Variants in PAPPA2 observed in about 807,000 individuals in gnomAD.
The protein encoded by PAPPA2 is pappalysin 2.
Under a neutral mutation model 176.4 loss-of-function variants are expected in PAPPA2, and 86 were observed. The observed-to-expected ratio is 0.49, with a 90% CI of 0.41 to 0.58. PAPPA2 has a LOEUF of 0.58. Ranked by LOEUF, PAPPA2 falls within the 20% of genes least tolerant of loss-of-function variation. The pLI is 0.00. For synonymous variants in PAPPA2, 809 were observed against 852.2 expected, an observed-to-expected ratio of 0.95 and a Z score of 0.88; for missense variants, 2,073 against 2,256.9, an observed-to-expected ratio of 0.92 and a Z score of 1.65.
rs760482041 is a variant in PAPPA2, at chr1:176,671,145, G to GA, written c.2137+37dup. 2.5e-6 allele frequency: 4 copies of GA among 1,600,814 alleles called. No homozygotes were observed. The Admixed American group carries it at 5.3e-5, about 21-fold the overall frequency. On this transcript the variant is annotated intron_variant, in intron 4 of 22. Coordinates refer to ENST00000367662, the MANE Select transcript of PAPPA2 (RefSeq NM_020318.3). ...GTGAAATGAAGACCAAACATAGTAG[G>GA]AAAAAAACAAAGAAGGCTGAAGGAA...
At chr1:176,604,361 C>T (rs771719568) in intron 3 of PAPPA2, among the ~76,000 whole-genome samples, 3 of 152,050 alleles carry the variant, frequency 2.0e-5, no homozygotes, top group Non-Finnish European at 4.4e-5. Context: ...TACGTTTGGG[C>T]GACTCTCATA....
At chr1:176,539,440 A>G (rs1018771699) in intron 1 of PAPPA2, among the ~76,000 whole-genome samples, 16 of 152,290 alleles carry the variant, frequency 1.1e-4, no homozygotes, top group South Asian at 1.0e-3. Flanking sequence ...TTAGTTCTAC[A>G]AACATTTACT....
At chr1:176,638,259 A>G (rs1246570101) in intron 3 of PAPPA2, among the ~76,000 whole-genome samples, 2 of 152,080 alleles carry the variant, frequency 1.3e-5, no homozygotes, top group Non-Finnish European at 2.9e-5. Context: ...CCCATTAAAG[A>G]TAAGTATGAA....
chr1:176,610,905 A>G (rs552906532), intron 3 of PAPPA2, among the ~76,000 whole-genome samples: 168 of 152,322 alleles, frequency 1.1e-3, no homozygotes, highest in African/African-American at 3.8e-3. Flanking sequence ...AGACACTAGG[A>G]GTATGACTCT....
intron 2 of PAPPA2, among the ~76,000 whole-genome samples, chr1:176,574,740 G>C (rs1652550865): frequency 6.6e-6 from 1 of 152,172 alleles, no homozygotes; most frequent in African/African-American, 2.4e-5. Flanking sequence ...GGGATGCTTT[G>C]CATAATGATG....
chr1:176,662,802 A>G (rs188027098), intron 3 of PAPPA2, among the ~76,000 whole-genome samples: 1 of 152,232 alleles, frequency 6.6e-6, no homozygotes, highest in African/African-American at 2.4e-5. Context: ...TAGGCATGAA[A>G]TTGTTTCCTT....
At chr1:176,718,541 A>G (rs1015955117) in intron 12 of PAPPA2, among the ~76,000 whole-genome samples, 3 of 151,986 alleles carry the variant, frequency 2.0e-5, no homozygotes, top group African/African-American at 4.8e-5. Context: ...TTCCTTTTAA[A>G]CATGACTTTA....
chr1:176,802,785 T>C (rs1395866336), intron 21 of PAPPA2, among the ~76,000 whole-genome samples: 1 of 152,236 alleles, frequency 6.6e-6, no homozygotes, highest in East Asian at 1.9e-4. Context: ...TTGCCCTTCA[T>C]GTTACTTCAG....
rs1661159588 is a variant in PAPPA2 at position 176,711,841 on chromosome 1, A to T, written c.3658A>T (p.Thr1220Ser). ...GGTTGAAATTGTATTTCAGATTTGC[A>T]CATCATACCATCCAGATTTACCCAA... ...VTGEPHSLIC[T>S]SYHPDLPNHR... The change falls in exon 12 of 23, where the codon ACA (threonine) becomes TCA (serine). Residue 1220 changes from threonine to serine, a missense_variant. This residue lies in a region of PAPPA2 where 846 missense variants were observed against 857.9 expected (regional missense o/e 0.99). Coordinates refer to ENST00000367662, the MANE Select transcript of PAPPA2 (RefSeq NM_020318.3). The T allele has an allele frequency of 6.2e-7, 1 of 1,602,444 alleles. No individual in the cohort carries two copies. The highest frequency in any genetic ancestry group is 1.7e-5 in the Admixed American group (1 of 59,844).
In PAPPA2 at chr1:176,756,255, A is replaced by G. The variant is rs534641445; in HGVS notation, c.4152-9411A>G. On this transcript the variant is annotated intron_variant, in intron 14 of 22. Coordinates refer to ENST00000367662, the MANE Select transcript of PAPPA2 (RefSeq NM_020318.3). ...CAGGCGTGAGCCACTATGCCTGGCC[A>G]TATTTACAGTTTATTAAGTGGAAGT... Among the ~76,000 whole-genome samples the G allele has an allele frequency of 2.1e-4, 32 of 152,154 alleles. 1 individual carries two copies. The highest frequency in any genetic ancestry group is 7.2e-4 in the Admixed American group (11 of 15,268).
chr1:176,551,955 T>A (rs550088682), intron 1 of PAPPA2, among the ~76,000 whole-genome samples: 4 of 151,700 alleles, frequency 2.6e-5, no homozygotes, highest in South Asian at 4.2e-4. Flanking sequence ...GGAAGAGGAG[T>A]TCCCTTAAAG....
chr1:176,500,855 AG>A (rs577125875), intron 1 of PAPPA2, among the ~76,000 whole-genome samples: 49 of 151,846 alleles, frequency 3.2e-4, no homozygotes, highest in African/African-American at 1.2e-3. Flanking sequence ...AGTCATCCGG[AG>A]GCAGCTTATT....
intron 9 of PAPPA2, among the ~76,000 whole-genome samples, chr1:176,704,773 C>T (rs1415207814): frequency 6.6e-6 from 1 of 152,064 alleles, no homozygotes; most frequent in African/African-American, 2.4e-5. Context: ...AAAATACACA[C>T]TAGATTTCAA....
At chr1:176,551,820 TA>T (rs1650968059) in intron 1 of PAPPA2, among the ~76,000 whole-genome samples, 1 of 151,830 alleles carries the variant, frequency 6.6e-6, no homozygotes, top group African/African-American at 2.4e-5. Flanking sequence ...TGGGTTTCTT[TA>T]GGGGGGTGGG....
chr1:176,587,031 T>C (rs1196295465), intron 2 of PAPPA2, among the ~76,000 whole-genome samples: 1 of 152,202 alleles, frequency 6.6e-6, no homozygotes. Flanking sequence ...ATTTCTCTAA[T>C]GATCAGTGAT....
intron 4 of PAPPA2, among the ~76,000 whole-genome samples, chr1:176,676,076 A>G (rs898963005): frequency 1.3e-5 from 2 of 152,114 alleles, no homozygotes; most frequent in Admixed American, 1.3e-4. Context: ...AATAATGACA[A>G]TACTAAATCC....
At chr1:176,539,487 C>A (rs1451167195) in intron 1 of PAPPA2, among the ~76,000 whole-genome samples, 1 of 152,110 alleles carries the variant, frequency 6.6e-6, no homozygotes, top group Non-Finnish European at 1.5e-5. Flanking sequence ...CTGTTCTAGG[C>A]CCTAGGGACA....
At chr1:176,496,193 TA>T (rs1389194844) in intron 1 of PAPPA2, among the ~76,000 whole-genome samples, 1 of 152,226 alleles carries the variant, frequency 6.6e-6, no homozygotes, top group African/African-American at 2.4e-5. Context: ...CTGCACCCAT[TA>T]ACTCATTATT....
chr1:176,564,103 A>G (rs897518030), intron 2 of PAPPA2, among the ~76,000 whole-genome samples: 17 of 152,136 alleles, frequency 1.1e-4, no homozygotes, highest in African/African-American at 4.1e-4. Flanking sequence ...TTAATCCTGT[A>G]TTGGCATCTA....
Sources: gnomAD v4.1 joint callset for allele counts (sites outside exome capture counted in the v4.1 genomes callset) on GRCh38, gnomAD v4.1.1 for gene constraint, gnomAD v4.1.1 regional missense constraint, MANE v1.5 for transcripts, NCBI Gene and HGNC (gene_info 2026-07-23, HGNC 2026-07-21) for gene names.